The following FBXL4 variants were observed in gnomAD, a reference collection of about 807,000 sequenced individuals.
The protein encoded by FBXL4 is F-box/LRR-repeat protein 4.
Under a neutral mutation model 58.9 loss-of-function variants are expected in FBXL4, and 40 were observed. That is an observed-to-expected ratio of 0.68 (90% CI 0.53 to 0.88). The LOEUF is 0.88. Among genes scored for constraint, FBXL4 ranks in the 40% least tolerant of loss-of-function variants. The probability of loss-of-function intolerance (pLI) is 0.00; values close to 1 mark genes in which losing one functional copy is unlikely to be tolerated. For synonymous variants in FBXL4, 263 were observed against 265.5 expected (o/e 0.99, Z 0.09); for missense variants, 676 against 734.4 (o/e 0.92, Z 0.92).
At position 98,929,511 on chromosome 6, in the gene FBXL4, C is replaced by T. The variant is rs147513064; in HGVS notation, c.-190-1689G>A. Among the ~76,000 whole-genome samples the T allele has an allele frequency of 5.2e-3, 760 of 145,758 alleles. 6 individuals are homozygous for T. The highest frequency in any genetic ancestry group is 0.018 in the African/African-American group (718 of 38,886). On this transcript the variant is annotated intron_variant, in intron 2 of 9. Coordinates refer to ENST00000369244, the MANE Select transcript of FBXL4 (RefSeq NM_001278716.2). ...GCTTGAATCCAAGAGGTGGAGATTG[C>T]AGTGAGCCAAGATCATGCCATTGCA...
Position 98,874,205 on chromosome 6 carries a change from A to G in FBXL4, c.*73T>C, listed in dbSNP as rs1562212858. ...ATTCTTACCATTAAAACAACTAAAA[A>G]CAAAACCCAAAACCAATCCCAAAAT... On this transcript the variant is annotated 3_prime_UTR_variant, in exon 10 of 10. Transcript: ENST00000369244. 1.6e-6 allele frequency: 2 copies of G among 1,256,348 alleles called. No individual in the cohort carries two copies. Among genetic ancestry groups the G allele is most frequent in the Admixed American group, 2.8e-5 (1 of 35,160 alleles). 77.8% of individuals were successfully genotyped at this position (1,256,348 alleles called of 1,614,324 possible).
At chr6:98,875,176 AG>A in intron 9 of FBXL4, 5 of 504,272 alleles carry the variant, frequency 9.9e-6, no homozygotes, top group South Asian at 9.2e-5. Flanking sequence ...TAATGGTTAT[AG>A]TTTTTTACAG....
Position 98,875,601 on chromosome 6 carries a change from G to A in FBXL4, c.1516C>T (p.Leu506=), listed in dbSNP as rs1770632759. The A allele has an allele frequency of 6.2e-7, 1 of 1,614,162 alleles. No homozygotes were observed. Among genetic ancestry groups the A allele is most frequent in the African/African-American group, 1.3e-5 (1 of 75,042 alleles). The change falls in exon 9 of 10, where the codon CTA becomes TTA. Residue 506 remains leucine (L), a synonymous_variant. Coordinates refer to ENST00000369244, the MANE Select transcript of FBXL4 (RefSeq NM_001278716.2). ...CAGCCAAGGTCAAGCTCCTCCAGTAGTGGACACCCAGAAGCCAGTTCTGCT... is the reference window on the plus strand; with the variant it reads ...CAGCCAAGGTCAAGCTCCTCCAGTAATGGACACCCAGAAGCCAGTTCTGCT... ...GIAELASGCP[L]LEELDLGWCP...
intron 4 of FBXL4, among the ~76,000 whole-genome samples, chr6:98,924,463 A>C (rs1424877307): frequency 6.6e-6 from 1 of 152,132 alleles, no homozygotes; most frequent in African/African-American, 2.4e-5. Flanking sequence ...TGGCTGAGGC[A>C]GGAGAATCTC....
Position 98,873,418 on chromosome 6 carries a change from A to C in FBXL4, c.*860T>G, listed in dbSNP as rs536305815. ...TTTTTATATAATTCAGAAACCTCAA[A>C]ACTTTACCTTTCACAAAATGTTAAG... On this transcript the variant is annotated 3_prime_UTR_variant, in exon 10 of 10. Transcript: ENST00000369244. 2 of 150,814 alleles carry C rather than the reference A, an allele frequency of 1.3e-5. No individual in the cohort carries two copies. Among genetic ancestry groups the C allele is most frequent in the South Asian group, 4.2e-4 (2 of 4,814 alleles). 9.3% of individuals were successfully genotyped at this position (150,814 alleles called of 1,614,324 possible).
chr6:98,891,678 A>C (rs1380827890), intron 7 of FBXL4, among the ~76,000 whole-genome samples: 1 of 149,546 alleles, frequency 6.7e-6, no homozygotes, highest in Non-Finnish European at 1.5e-5. Context: ...TGAGCCCAGG[A>C]GGTTGAGACC....
At chr6:98,933,252 G>C (rs1261627833) in intron 2 of FBXL4, among the ~76,000 whole-genome samples, 1 of 152,020 alleles carries the variant, frequency 6.6e-6, no homozygotes, top group Non-Finnish European at 1.5e-5. Context: ...TCTTGCCTCT[G>C]GTAACTTCTC....
At chr6:98,904,690 C>T (rs1216259121) in intron 6 of FBXL4, among the ~76,000 whole-genome samples, 1 of 152,102 alleles carries the variant, frequency 6.6e-6, no homozygotes, top group Non-Finnish European at 1.5e-5. Flanking sequence ...GTTTCTACTT[C>T]TTCATTATTT....
intron 4 of FBXL4, among the ~76,000 whole-genome samples, chr6:98,921,407 A>G (rs189762976): frequency 2.7e-4 from 41 of 151,682 alleles, no homozygotes; most frequent in Middle Eastern, 3.4e-3. Context: ...GCCAGTAAGT[A>G]TATCTAGTAG....
At chr6:98,933,786 A>G (rs1402100066) in intron 2 of FBXL4, among the ~76,000 whole-genome samples, 1 of 152,216 alleles carries the variant, frequency 6.6e-6, no homozygotes, top group African/African-American at 2.4e-5. Flanking sequence ...GGAAGAGTAG[A>G]TGGCATAAGA....
intron 7 of FBXL4, among the ~76,000 whole-genome samples, chr6:98,893,695 G>A (rs1190578064): frequency 2.0e-5 from 3 of 152,080 alleles, no homozygotes; most frequent in Admixed American, 6.5e-5. Flanking sequence ...AATGCCCCAG[G>A]GGTAAAGGGT....
chr6:98,899,522 A>C, intron 6 of FBXL4, 41 bp from the exon 7 acceptor site: 1 of 1,580,052 alleles, frequency 6.3e-7, no homozygotes, highest in Non-Finnish European at 8.6e-7. Context: ...TAAAACTAAA[A>C]GATATTTTTG....
chr6:98,944,197 C>T (rs1485015047), intron 1 of FBXL4, among the ~76,000 whole-genome samples: 1 of 152,074 alleles, frequency 6.6e-6, no homozygotes, highest in Non-Finnish European at 1.5e-5. Flanking sequence ...GGTGGAAACC[C>T]AGAGGCCGTA....
At chr6:98,907,620 A>G (rs781138662) in intron 5 of FBXL4, among the ~76,000 whole-genome samples, 1 of 152,194 alleles carries the variant, frequency 6.6e-6, no homozygotes, top group Admixed American at 6.5e-5. Context: ...TAACAAATAT[A>G]AAGGAAAAGA....
intron 6 of FBXL4, 48 bp from the exon 7 acceptor site, chr6:98,899,529 T>C (rs755081995): frequency 1.3e-6 from 2 of 1,570,500 alleles, no homozygotes; most frequent in Non-Finnish European, 1.7e-6. Context: ...AAAAGATATT[T>C]TTGCAAGAAC....
intron 6 of FBXL4, among the ~76,000 whole-genome samples, chr6:98,905,185 A>C (rs1364370529): frequency 6.6e-6 from 1 of 152,228 alleles, no homozygotes; most frequent in Non-Finnish European, 1.5e-5. Context: ...GGATTTAAGA[A>C]ACATGAAGTA....
At chr6:98,884,559 G>T (rs902552772) in intron 7 of FBXL4, among the ~76,000 whole-genome samples, 14 of 152,252 alleles carry the variant, frequency 9.2e-5, no homozygotes, top group Middle Eastern at 3.4e-3. Flanking sequence ...TTGATAAGAA[G>T]TCTACTGTCA....
At chr6:98,913,740 A>G (rs182130414) in intron 5 of FBXL4, among the ~76,000 whole-genome samples, 3 of 152,346 alleles carry the variant, frequency 2.0e-5, no homozygotes, top group African/African-American at 7.2e-5. Context: ...ACACCCTAAC[A>G]TCACAATTAA....
intron 7 of FBXL4, among the ~76,000 whole-genome samples, chr6:98,894,835 T>C (rs973946457): frequency 2.6e-5 from 4 of 152,098 alleles, no homozygotes; most frequent in Non-Finnish European, 4.4e-5. Flanking sequence ...CCTAAACACA[T>C]CTAAAGAAAG....
Sources: allele counts gnomAD v4.1 joint callset (sites outside exome capture counted in the v4.1 genomes callset), GRCh38; gene constraint gnomAD v4.1.1; transcripts MANE v1.5; gene names NCBI Gene and HGNC (gene_info 2026-07-23, HGNC 2026-07-21).